B3GALT1: variants seen among roughly 807,000 people sequenced by gnomAD.
The protein encoded by B3GALT1 is beta-1,3-galactosyltransferase 1.
Under a neutral mutation model 23.2 loss-of-function variants are expected in B3GALT1, and 10 were observed. The ratio of observed to expected loss-of-function variants is 0.43; its 90% CI spans 0.27 to 0.73. The LOEUF (loss-of-function observed/expected upper bound fraction) is 0.73, where lower values mean the gene tolerates loss of function less well. Among genes scored for constraint, B3GALT1 ranks in the 30% least tolerant of loss-of-function variants. The probability of loss-of-function intolerance (pLI) is 0.21; values close to 1 mark genes in which losing one functional copy is unlikely to be tolerated. For synonymous variants in B3GALT1, 156 were observed against 141.5 expected (o/e 1.10, Z -0.73); for missense variants, 299 against 405.4 (o/e 0.74, Z 2.25).
chr2:167,652,660 G>A (rs975164), intron 3 of B3GALT1, among the ~76,000 whole-genome samples: 125,448 of 151,942 alleles, frequency 0.83, 53,272 homozygotes, highest in Non-Finnish European at 0.95. Flanking sequence ...ACATCTTATG[G>A]TGCCCTTATT....
At chr2:167,746,313 G>T (rs1687651278) in intron 3 of B3GALT1, among the ~76,000 whole-genome samples, 1 of 152,128 alleles carries the variant, frequency 6.6e-6, no homozygotes, top group Non-Finnish European at 1.5e-5. Flanking sequence ...TCTTTATTAA[G>T]TTTCAAAGTT....
At chr2:167,752,259 T>A (rs995484344) in intron 3 of B3GALT1, among the ~76,000 whole-genome samples, 11 of 152,248 alleles carry the variant, frequency 7.2e-5, no homozygotes, top group South Asian at 2.1e-4. Context: ...GACTATTTTT[T>A]AAAAATAAAA....
intron 1 of B3GALT1, among the ~76,000 whole-genome samples, chr2:167,307,997 A>G (rs933704146): frequency 3.9e-5 from 6 of 152,034 alleles, no homozygotes; most frequent in Non-Finnish European, 2.9e-5. Context: ...TAATTTAGTA[A>G]ATGGGAAAAT....
intron 1 of B3GALT1, among the ~76,000 whole-genome samples, chr2:167,326,046 T>C (rs1279838196): frequency 1.3e-5 from 2 of 151,356 alleles, no homozygotes; most frequent in Non-Finnish European, 2.9e-5. Flanking sequence ...CTGCACTAAA[T>C]GTCTAAAAGT....
chr2:167,619,083 A>G (rs1295239383), intron 2 of B3GALT1, among the ~76,000 whole-genome samples: 2 of 151,896 alleles, frequency 1.3e-5, no homozygotes, highest in African/African-American at 4.8e-5. Context: ...TTCTAATTCC[A>G]TTATTCCCAA....
At chr2:167,811,408 TA>T (rs1286401180) in intron 3 of B3GALT1, among the ~76,000 whole-genome samples, 2 of 152,222 alleles carry the variant, frequency 1.3e-5, no homozygotes, top group Admixed American at 6.5e-5. Context: ...TTTGAAGGTC[TA>T]CTAAGGAAAA....
intron 1 of B3GALT1, among the ~76,000 whole-genome samples, chr2:167,363,665 A>G (rs1697535201): frequency 6.6e-6 from 1 of 151,838 alleles, no homozygotes; most frequent in Non-Finnish European, 1.5e-5. Flanking sequence ...TCCCACCCGT[A>G]CTCTTGAAAC....
chr2:167,803,081 AAC>A (rs71940853), intron 3 of B3GALT1, among the ~76,000 whole-genome samples: 48,998 of 140,920 alleles, frequency 0.35, 8,774 homozygotes, highest in Non-Finnish European at 0.43. Context: ...GACCCTAACA[AAC>A]ACACACACAC....
intron 3 of B3GALT1, among the ~76,000 whole-genome samples, chr2:167,668,968 C>T (rs1293793987): frequency 6.6e-6 from 1 of 152,176 alleles, no homozygotes; most frequent in Admixed American, 6.5e-5. Flanking sequence ...CATCCTATCC[C>T]ATTCTCTAAT....
In B3GALT1 at chr2:167,666,169, C is replaced by G. The variant is rs140294356; in HGVS notation, c.-352+19203C>G. On this transcript the variant is annotated intron_variant, in intron 3 of 4. Transcript: ENST00000392690. ...GTAGTGTCTTTGTTCTCGTTCGTTT[C>G]AAAGAACATCTTTATGTCTGCCTTC... Among the ~76,000 whole-genome samples, 412 of 152,322 alleles carry G rather than the reference C, an allele frequency of 2.7e-3. 2 individuals carry two copies. The highest frequency in any genetic ancestry group is 8.2e-3 in the African/African-American group (339 of 41,560).
At chr2:167,424,328 T>A (rs1199102023) in intron 1 of B3GALT1, among the ~76,000 whole-genome samples, 1 of 152,142 alleles carries the variant, frequency 6.6e-6, no homozygotes, top group African/African-American at 2.4e-5. Flanking sequence ...GAAGACCTGG[T>A]TGTTATAGGC....
chr2:167,344,208 G>A (rs1192987998), intron 1 of B3GALT1, among the ~76,000 whole-genome samples: 2 of 152,072 alleles, frequency 1.3e-5, no homozygotes, highest in Non-Finnish European at 2.9e-5. Context: ...CTTGTGAAAC[G>A]GAGATGAGCA....
In B3GALT1 at chr2:167,408,015, G is replaced by GACAC. The variant is rs56318085; in HGVS notation, c.-510-82108_-510-82105dup. 1.2e-3 allele frequency among the ~76,000 whole-genome samples: 156 copies of GACAC among 129,732 alleles called. 2 individuals carry two copies. Among genetic ancestry groups the GACAC allele is most frequent in the African/African-American group, 3.9e-3 (138 of 35,254 alleles). The allele number at this position is 129,732 out of a possible 152,430, so 85.1% of individuals were successfully genotyped here. ...TACCCTGATAACAAAAGCAGGCAAA[G>GACAC]ACACACACACACACACACACACACA... is the stretch of plus-strand genomic sequence containing the variant. On this transcript the variant is annotated intron_variant, in intron 1 of 4. Transcript: ENST00000392690.
In B3GALT1 at chr2:167,552,673, G is replaced by A. The variant is rs188744228; in HGVS notation, c.-410+62396G>A. ...TGTAATCAAAAAAATTCTTCCAAACGGAAGTTGCCTTTCAGTGAGTTTGGA... is the reference window on the plus strand; with the variant it reads ...TGTAATCAAAAAAATTCTTCCAAACAGAAGTTGCCTTTCAGTGAGTTTGGA... On this transcript the variant is annotated intron_variant, in intron 2 of 4. Transcript: ENST00000392690. Among the ~76,000 whole-genome samples, 3 of 152,186 alleles carry A rather than the reference G, an allele frequency of 2.0e-5. No homozygotes were observed. In the East Asian group the frequency reaches 5.8e-4, roughly 29 times the overall value.
intron 2 of B3GALT1, among the ~76,000 whole-genome samples, chr2:167,595,323 T>C (rs951029953): frequency 6.6e-6 from 1 of 152,218 alleles, no homozygotes; most frequent in Non-Finnish European, 1.5e-5. Context: ...CTGTCTGCTC[T>C]GCATCGCCCA....
rs114427551 is a variant in B3GALT1, at chr2:167,791,035, A to G, written c.-351-27637A>G. On this transcript the variant is annotated intron_variant, in intron 3 of 4. Transcript: ENST00000392690. ...GATTTCTATTTGCTGGAACCCTGTC[A>G]GGAGATGAATACAAATTATTATTTA... Among the ~76,000 whole-genome samples, 719 of 152,298 alleles carry G rather than the reference A, an allele frequency of 4.7e-3. 8 individuals are homozygous for G. The highest frequency in any genetic ancestry group is 0.017 in the African/African-American group (686 of 41,556).
At chr2:167,586,508 C>T (rs558959175) in intron 2 of B3GALT1, among the ~76,000 whole-genome samples, 56 of 152,182 alleles carry the variant, frequency 3.7e-4, no homozygotes, top group African/African-American at 1.2e-3. Flanking sequence ...ACCATGTTAG[C>T]CAGGATGGTC....
At chr2:167,863,987 T>C (rs898695652) in intron 4 of B3GALT1, among the ~76,000 whole-genome samples, 5 of 134,126 alleles carry the variant, frequency 3.7e-5, no homozygotes, top group African/African-American at 1.5e-4. Context: ...CATGCATGTA[T>C]GTATGTGTGT....
chr2:167,561,048 A>C (rs2105388682), intron 2 of B3GALT1, among the ~76,000 whole-genome samples: 1 of 152,262 alleles, frequency 6.6e-6, no homozygotes, highest in Admixed American at 6.5e-5. Flanking sequence ...TTGACCACAT[A>C]GTTGGAAGTA....
Sources: allele counts gnomAD v4.1 joint callset (sites outside exome capture counted in the v4.1 genomes callset), GRCh38; gene constraint gnomAD v4.1.1; transcripts MANE v1.5; gene names NCBI Gene and HGNC (gene_info 2026-07-23, HGNC 2026-07-21).